FAM174A: variants seen among roughly 807,000 people sequenced by gnomAD.
FAM174A encodes the protein membrane protein FAM174A.
A neutral mutation model predicts 14.3 loss-of-function variants in FAM174A; 14 were observed. The ratio of observed to expected loss-of-function variants is 0.98; its 90% CI spans 0.65 to 1.53. The LOEUF (loss-of-function observed/expected upper bound fraction) is 1.53. Among genes scored for constraint, FAM174A ranks in the 40% most tolerant of loss-of-function variants. The probability of loss-of-function intolerance (pLI) is 0.00; values close to 1 mark genes in which losing one functional copy is unlikely to be tolerated. For missense variants in FAM174A, 241 were observed against 249.6 expected (o/e 0.97, Z 0.23); for synonymous variants, 108 against 111.4 (o/e 0.97, Z 0.19).
At chr5:100,562,475 G>A (rs1353252533) in intron 2 of FAM174A, among the ~76,000 whole-genome samples, 1 of 151,504 alleles carries the variant, frequency 6.6e-6, no homozygotes, top group Non-Finnish European at 1.5e-5. Context: ...TCGTTACATA[G>A]GTAAACTTGT....
At chr5:100,556,717 G>A (rs750473929) in intron 1 of FAM174A, among the ~76,000 whole-genome samples, 1 of 152,260 alleles carries the variant, frequency 6.6e-6, no homozygotes, top group South Asian at 2.1e-4. Context: ...GTGAATGGAA[G>A]TTCACTCATG....
intron 2 of FAM174A, among the ~76,000 whole-genome samples, chr5:100,571,757 G>A (rs1365034615): frequency 6.7e-6 from 1 of 149,938 alleles, no homozygotes; most frequent in African/African-American, 2.4e-5. Context: ...TGAGAAATGT[G>A]GCATCTTTTA....
At chr5:100,574,000 A>T (rs1389237440) in intron 2 of FAM174A, among the ~76,000 whole-genome samples, 3 of 152,242 alleles carry the variant, frequency 2.0e-5, no homozygotes, top group African/African-American at 7.2e-5. Context: ...CTAATAAAAC[A>T]GCACTTGAAC....
Position 100,562,100 on chromosome 5 carries a change from A to G in FAM174A, c.481A>G (p.Thr161Ala), listed in dbSNP as rs762324399. Residue 161 changes from threonine (T) to alanine (A), a missense_variant, in exon 2 of 3, where the codon ACT becomes GCT. Physicochemically the swap from Thr to Ala is moderately conservative, Grantham distance 58. Transcript: ENST00000312637. Reference sequence around the variant, plus strand: ...GACTAGGAGATATGGAGTTTTGGACACTAACATAGAAAATATGGAATTGAC... The same window carrying G: ...GACTAGGAGATATGGAGTTTTGGACGCTAACATAGAAAATATGGAATTGAC... Reference protein sequence around the residue: ...RKTRRYGVLDTNIENMELTPL... With the variant: ...RKTRRYGVLDANIENMELTPL... 4 of 1,588,678 alleles carry G rather than the reference A, an allele frequency of 2.5e-6. No homozygotes were observed. The Admixed American group carries it at 5.4e-5, about 21-fold the overall frequency.
rs372056361 is a variant in FAM174A, at chr5:100,535,824, G to A, written c.294G>A (p.Gly98=). The change falls in exon 1 of 3, where the codon GGG becomes GGA. Residue 98 remains glycine (G), a synonymous_variant. Transcript: ENST00000312637. ...GGCTTGAGACGGACGATCACGGAGG[G>A]AAGGCCGGGGAAGGCTCGGTGGGTG... is the stretch of plus-strand genomic sequence containing the variant. ...VAGLETDDHG[G]KAGEGSVGGG... 1.4e-4 allele frequency: 231 copies of A among 1,611,040 alleles called. 2 individuals are homozygous for A. The East Asian group carries it at 3.0e-3, about 21-fold the overall frequency.
chr5:100,558,284 T>G (rs1249900459), intron 1 of FAM174A, among the ~76,000 whole-genome samples: 1 of 152,220 alleles, frequency 6.6e-6, no homozygotes, highest in Non-Finnish European at 1.5e-5. Flanking sequence ...CTAGTTTGAT[T>G]GCACTGTGGT....
At chr5:100,570,113 A>G (rs1003188408) in intron 2 of FAM174A, among the ~76,000 whole-genome samples, 3 of 151,792 alleles carry the variant, frequency 2.0e-5, no homozygotes, top group African/African-American at 7.2e-5. Flanking sequence ...CATCTGTGCT[A>G]TTTTTTTCAG....
At chr5:100,560,187 G>T (rs1034469677) in intron 1 of FAM174A, among the ~76,000 whole-genome samples, 2 of 152,098 alleles carry the variant, frequency 1.3e-5, no homozygotes, top group Non-Finnish European at 2.9e-5. Context: ...TCAGCTGCAG[G>T]TCTATTGGAG....
intron 1 of FAM174A, among the ~76,000 whole-genome samples, chr5:100,551,700 G>T (rs1188620298): frequency 6.6e-6 from 1 of 152,156 alleles, no homozygotes; most frequent in Non-Finnish European, 1.5e-5. Context: ...CAGTTCTGGA[G>T]GCTAGAAATC....
intron 1 of FAM174A, among the ~76,000 whole-genome samples, chr5:100,547,750 A>G (rs1054625626): frequency 2.0e-5 from 3 of 152,144 alleles, no homozygotes; most frequent in Non-Finnish European, 4.4e-5. Flanking sequence ...AGAAACTAAT[A>G]TGTTAAGTGT....
At chr5:100,580,593 T>A (rs1746992335) in intron 2 of FAM174A, among the ~76,000 whole-genome samples, 1 of 152,186 alleles carries the variant, frequency 6.6e-6, no homozygotes, top group Non-Finnish European at 1.5e-5. Context: ...CTGGCGCTGA[T>A]TAGATTGTGC....
chr5:100,551,726 G>A (rs1361312056), intron 1 of FAM174A, among the ~76,000 whole-genome samples: 2 of 152,100 alleles, frequency 1.3e-5, no homozygotes, highest in Non-Finnish European at 2.9e-5. Context: ...TCAAGATACT[G>A]GCAGGGCTGG....
At position 100,572,116 on chromosome 5, in the gene FAM174A, TAATA is replaced by T. The variant is rs1258879360; in HGVS notation, c.569+9936_569+9939del. Among the ~76,000 whole-genome samples, 5 of 152,206 alleles carry T rather than the reference TAATA, an allele frequency of 3.3e-5. No homozygotes were observed. The East Asian group carries it at 7.7e-4, about 23-fold the overall frequency. On this transcript the variant is annotated intron_variant, in intron 2 of 2. Transcript: ENST00000312637. ...ACTTTAAAATATTATCTATATGATT[TAATA>T]AATAAATCAGTTCAGTAGTATTCCT...
At chr5:100,559,875 T>G (rs1746487569) in intron 1 of FAM174A, among the ~76,000 whole-genome samples, 1 of 152,034 alleles carries the variant, frequency 6.6e-6, no homozygotes, top group Non-Finnish European at 1.5e-5. Context: ...GTTTTTAACT[T>G]CTTTGCCATG....
At chr5:100,542,969 T>C (rs1746091952) in intron 1 of FAM174A, among the ~76,000 whole-genome samples, 1 of 152,040 alleles carries the variant, frequency 6.6e-6, no homozygotes, top group Non-Finnish European at 1.5e-5. Flanking sequence ...AGTGCAGGCC[T>C]GTAAGTTCCA....
intron 1 of FAM174A, among the ~76,000 whole-genome samples, chr5:100,559,824 T>C (rs988891813): frequency 2.6e-5 from 4 of 152,118 alleles, no homozygotes; most frequent in African/African-American, 9.7e-5. Flanking sequence ...CTTCTTTGCA[T>C]TGGTTATTCT....
chr5:100,554,033 G>T (rs1185113131), intron 1 of FAM174A, among the ~76,000 whole-genome samples: 1 of 152,104 alleles, frequency 6.6e-6, no homozygotes, highest in East Asian at 1.9e-4. Context: ...TGACCCGGGA[G>T]AATCTAGTTT....
intron 1 of FAM174A, among the ~76,000 whole-genome samples, chr5:100,542,023 A>T (rs1272987530): frequency 6.6e-6 from 1 of 152,066 alleles, no homozygotes; most frequent in Admixed American, 6.6e-5. Context: ...CCTCTGTCTT[A>T]CTCATCTTTG....
At chr5:100,585,202 T>C (rs1747103585) in intron 2 of FAM174A, among the ~76,000 whole-genome samples, 1 of 152,224 alleles carries the variant, frequency 6.6e-6, no homozygotes, top group African/African-American at 2.4e-5. Flanking sequence ...GTTAATTTTC[T>C]ACAGTTATGA....
Sources: allele counts gnomAD v4.1 joint callset (sites outside exome capture counted in the v4.1 genomes callset), GRCh38; gene constraint gnomAD v4.1.1; transcripts MANE v1.5; gene names NCBI Gene and HGNC (gene_info 2026-07-23, HGNC 2026-07-21).